Variants in RIMS2 observed in about 807,000 individuals in gnomAD.
RIMS2 encodes regulating synaptic membrane exocytosis protein 2.
RIMS2 carries 59 observed loss-of-function variants against 174.4 expected under a neutral mutation model. That is an observed-to-expected ratio of 0.34 (90% CI 0.27 to 0.42). The LOEUF (loss-of-function observed/expected upper bound fraction) is 0.42. Among genes scored for constraint, RIMS2 ranks in the 10% least tolerant of loss-of-function variants. RIMS2 has a pLI of 1.00. For missense variants in RIMS2, 1,620 were observed against 1,666.3 expected (o/e 0.97, Z 0.48); for synonymous variants, 606 against 572.5 (o/e 1.06, Z -0.84).
intron 2 of RIMS2, among the ~76,000 whole-genome samples, chr8:103,741,547 G>A (rs189604068): frequency 9.0e-4 from 137 of 152,108 alleles, no homozygotes; most frequent in Admixed American, 2.0e-3. Context: ...CCCAGGTGGT[G>A]AGTCATTCTG....
rs76639926 is a variant in RIMS2 at position 103,971,421 on chromosome 8, T to A, written c.2771-3929T>A. ...ATGATGATCTCTTTATAAATGACTT[T>A]CAAATGTTTAGCAACAATCCTAACA... On this transcript the variant is annotated intron_variant, in intron 15 of 23. Coordinates refer to ENST00000504942, the Ensembl canonical transcript of RIMS2. Among the ~76,000 whole-genome samples the A allele has an allele frequency of 9.7e-3, 1,471 of 152,296 alleles. 19 individuals are homozygous for A. The highest frequency in any genetic ancestry group is 0.046 in the South Asian group (222 of 4,822).
At chr8:103,931,174 G>GT (rs1460580761) in intron 11 of RIMS2, 89 bp from the exon 14 acceptor site, 1 of 962,418 alleles carries the variant, frequency 1.0e-6, no homozygotes, top group East Asian at 2.6e-5. Flanking sequence ...TAATGTTATT[G>GT]TAAGAGAATG....
At chr8:103,912,593 A>G (rs555451982) in intron 6 of RIMS2, among the ~76,000 whole-genome samples, 7 of 152,302 alleles carry the variant, frequency 4.6e-5, no homozygotes, top group African/African-American at 1.7e-4. Flanking sequence ...GTGTATATAT[A>G]TAATTTTGTA....
intron 19 of RIMS2, among the ~76,000 whole-genome samples, chr8:104,173,919 G>GGATT (rs1354841387): frequency 7.4e-5 from 6 of 80,832 alleles, no homozygotes; most frequent in African/African-American, 1.4e-4. Flanking sequence ...TAATGTTAAA[G>GGATT]GATTTATTTA....
At chr8:103,656,239 G>A (rs1218964225) in intron 1 of RIMS2, among the ~76,000 whole-genome samples, 2 of 152,058 alleles carry the variant, frequency 1.3e-5, no homozygotes, top group Non-Finnish European at 2.9e-5. Flanking sequence ...TCAAGAAGAG[G>A]AGAAGATTAA....
In RIMS2 at chr8:103,985,292, G is replaced by A. The variant is rs530308442; in HGVS notation, c.2928-4013G>A. ...AGTTCGAGACCAGCCTGGCCAATAT[G>A]GTGAAACCCCGTCTCTACTAAAAAT... On this transcript the variant is annotated intron_variant, in intron 16 of 23. Coordinates refer to ENST00000504942, the Ensembl canonical transcript of RIMS2. Among the ~76,000 whole-genome samples the A allele has an allele frequency of 4.6e-5, 7 of 151,812 alleles. No individual in the cohort carries two copies. The South Asian group carries it at 1.5e-3, about 32-fold the overall frequency.
chr8:103,819,691 C>A, intron 3 of RIMS2: 1 of 1,349,186 alleles, frequency 7.4e-7, no homozygotes, highest in Non-Finnish European at 1.0e-6. Context: ...TCTTATATGC[C>A]AGTAAAAATT....
At chr8:103,711,434 A>C (rs2097302124) in intron 2 of RIMS2, among the ~76,000 whole-genome samples, 2 of 152,210 alleles carry the variant, frequency 1.3e-5, no homozygotes, top group African/African-American at 4.8e-5. Flanking sequence ...GCCATTTGTG[A>C]ATCATTATAA....
intron 19 of RIMS2, among the ~76,000 whole-genome samples, chr8:104,129,366 G>A (rs536198516): frequency 2.6e-5 from 4 of 152,242 alleles, no homozygotes; most frequent in Admixed American, 2.0e-4. Flanking sequence ...GCCTGGGAAC[G>A]AGCAAGACCC....
At chr8:103,520,035 A>T (rs972330477) in intron 1 of RIMS2, among the ~76,000 whole-genome samples, 3 of 152,028 alleles carry the variant, frequency 2.0e-5, no homozygotes, top group African/African-American at 7.2e-5. Flanking sequence ...CAGTGTATAT[A>T]AGGAAGGGCT....
At chr8:103,771,393 G>A (rs567644464) in intron 3 of RIMS2, among the ~76,000 whole-genome samples, 1 of 152,190 alleles carries the variant, frequency 6.6e-6, no homozygotes, top group African/African-American at 2.4e-5. Context: ...ATTTAAGTTG[G>A]ATGCTTCATA....
chr8:103,870,969 T>A (rs769383954), intron 3 of RIMS2, among the ~76,000 whole-genome samples: 3 of 152,250 alleles, frequency 2.0e-5, no homozygotes, highest in Non-Finnish European at 4.4e-5. Flanking sequence ...TTTCAATTTT[T>A]ATCCAACTTT....
intron 19 of RIMS2, among the ~76,000 whole-genome samples, chr8:104,091,489 G>A (rs1233482399): frequency 6.6e-6 from 1 of 150,880 alleles, no homozygotes; most frequent in Non-Finnish European, 1.5e-5. Flanking sequence ...TTTGATTTTT[G>A]TATGAATAAA....
At chr8:104,147,256 C>G (rs1226607409) in intron 19 of RIMS2, among the ~76,000 whole-genome samples, 1 of 152,114 alleles carries the variant, frequency 6.6e-6, no homozygotes, top group Non-Finnish European at 1.5e-5. Context: ...CCCTCGCACA[C>G]ACACACACTA....
At chr8:104,228,413 A>G (rs1419835884) in intron 19 of RIMS2, among the ~76,000 whole-genome samples, 1 of 152,204 alleles carries the variant, frequency 6.6e-6, no homozygotes, top group Non-Finnish European at 1.5e-5. Flanking sequence ...TATAGTAAAT[A>G]ATGTACTTAA....
chr8:104,147,383 C>T (rs1005917566), intron 19 of RIMS2, among the ~76,000 whole-genome samples: 1 of 151,870 alleles, frequency 6.6e-6, no homozygotes, highest in Admixed American at 6.6e-5. Flanking sequence ...GGTCTTTTAC[C>T]GCCTAAATAC....
chr8:104,058,851 T>C (rs2154559974), intron 19 of RIMS2, among the ~76,000 whole-genome samples: 1 of 152,348 alleles, frequency 6.6e-6, no homozygotes, highest in African/African-American at 2.4e-5. Context: ...CTTGTTTTTC[T>C]CAGGTTTGCC....
At chr8:103,909,577 G>T (rs2075234967) in intron 4 of RIMS2, among the ~76,000 whole-genome samples, 1 of 152,036 alleles carries the variant, frequency 6.6e-6, no homozygotes, top group African/African-American at 2.4e-5. Flanking sequence ...AATCTTTTGT[G>T]AAAACAATTT....
chr8:103,731,915 G>A (rs1368838664), intron 2 of RIMS2, among the ~76,000 whole-genome samples: 1 of 152,098 alleles, frequency 6.6e-6, no homozygotes, highest in Non-Finnish European at 1.5e-5. Context: ...CTATATGAAA[G>A]GTCACATATC....
Sources: gnomAD v4.1 joint callset for allele counts (sites outside exome capture counted in the v4.1 genomes callset) on GRCh38, gnomAD v4.1.1 for gene constraint, MANE v1.5 for transcripts, NCBI Gene and HGNC (gene_info 2026-07-23, HGNC 2026-07-21) for gene names.